The following EPHA3 variants were observed in gnomAD, a reference collection of about 807,000 sequenced individuals.
The protein encoded by EPHA3 is ephrin type-A receptor 3.
In EPHA3, 42 loss-of-function variants were observed where a neutral mutation model predicts 107.1. The ratio of observed to expected loss-of-function variants is 0.39; its 90% CI spans 0.31 to 0.51. The LOEUF is 0.51. Ranked by LOEUF, EPHA3 falls within the 20% of genes least tolerant of loss-of-function variation. EPHA3 has a pLI of 0.78. For synonymous variants in EPHA3, 461 were observed against 424.8 expected, an observed-to-expected ratio of 1.09 and a Z score of -1.05; for missense variants, 1,183 against 1,211.2, an observed-to-expected ratio of 0.98 and a Z score of 0.35.
intron 2 of EPHA3, among the ~76,000 whole-genome samples, chr3:89,166,291 A>G (rs1307784321): frequency 1.3e-5 from 2 of 152,148 alleles, no homozygotes; most frequent in Non-Finnish European, 2.9e-5. Flanking sequence ...TTTAAATTGT[A>G]CACTAAATTA....
In EPHA3 at chr3:89,352,753, A is replaced by AT. The variant is rs1171442682; in HGVS notation, c.1306+10665dup. Among the ~76,000 whole-genome samples the AT allele has an allele frequency of 2.0e-5, 3 of 150,312 alleles. No individual in the cohort carries two copies. The East Asian group carries it at 5.8e-4, about 29-fold the overall frequency. On this transcript the variant is annotated intron_variant, in intron 5 of 16. Coordinates refer to ENST00000336596, the MANE Select transcript of EPHA3 (RefSeq NM_005233.6). ...ACCCTGTCTCTACAAAAATACAAAA[A>AT]TTAGCCAGGCATGATGGCAGGTGCC...
At chr3:89,301,513 A>C (rs555188206) in intron 3 of EPHA3, among the ~76,000 whole-genome samples, 9 of 152,060 alleles carry the variant, frequency 5.9e-5, no homozygotes, top group Non-Finnish European at 1.3e-4. Context: ...AATTGAACTG[A>C]ATCACATGAC....
intron 3 of EPHA3, among the ~76,000 whole-genome samples, chr3:89,250,809 G>A (rs1367593529): frequency 1.3e-5 from 2 of 152,076 alleles, no homozygotes; most frequent in Non-Finnish European, 2.9e-5. Flanking sequence ...ATGTCTAATA[G>A]CATTTACATA....
At chr3:89,403,941 C>T (rs758691929) in intron 7 of EPHA3, among the ~76,000 whole-genome samples, 1 of 152,070 alleles carries the variant, frequency 6.6e-6, no homozygotes, top group Non-Finnish European at 1.5e-5. Flanking sequence ...TGTGTTTAAA[C>T]AAATAGTCCG....
chr3:89,453,214 GA>G (rs35398953), intron 15 of EPHA3, among the ~76,000 whole-genome samples: 1 of 149,358 alleles, frequency 6.7e-6, no homozygotes, highest in African/African-American at 2.4e-5. Context: ...AGTAATCACA[GA>G]AAAAAAAAGA....
intron 5 of EPHA3, among the ~76,000 whole-genome samples, chr3:89,369,871 G>A (rs926822522): frequency 6.7e-6 from 1 of 149,992 alleles, no homozygotes; most frequent in Admixed American, 6.6e-5. Flanking sequence ...CTTCTCAAAA[G>A]AAGACATTTA....
At chr3:89,227,563 G>A (rs1341902285) in intron 3 of EPHA3, among the ~76,000 whole-genome samples, 1 of 151,960 alleles carries the variant, frequency 6.6e-6, no homozygotes, top group Admixed American at 6.6e-5. Flanking sequence ...TGGTATAAAT[G>A]TAAATCCTGG....
At chr3:89,477,529 G>A (rs1234458978) in intron 16 of EPHA3, among the ~76,000 whole-genome samples, 1 of 152,076 alleles carries the variant, frequency 6.6e-6, no homozygotes, top group African/African-American at 2.4e-5. Context: ...CATTTCTTAA[G>A]AAATCGATTA....
intron 1 of EPHA3, among the ~76,000 whole-genome samples, chr3:89,113,787 A>AT (rs1707182743): frequency 3.3e-5 from 5 of 151,232 alleles, no homozygotes; most frequent in Admixed American, 1.3e-4. Flanking sequence ...CACACTTTTG[A>AT]TTTTTTCCCA....
intron 2 of EPHA3, among the ~76,000 whole-genome samples, chr3:89,189,319 G>T (rs1705646696): frequency 6.6e-6 from 1 of 152,168 alleles, no homozygotes; most frequent in Non-Finnish European, 1.5e-5. Flanking sequence ...AAGAGACTGG[G>T]CACGGTGGCT....
chr3:89,457,244 T>TA (rs951117662), intron 15 of EPHA3, among the ~76,000 whole-genome samples: 1 of 151,852 alleles, frequency 6.6e-6, no homozygotes, highest in African/African-American at 2.4e-5. Flanking sequence ...GACTATAGGA[T>TA]AAAAAAAGGA....
At chr3:89,268,903 GA>G (rs967776361) in intron 3 of EPHA3, among the ~76,000 whole-genome samples, 1,490 of 144,720 alleles carry the variant, frequency 0.01, 24 homozygotes, top group African/African-American at 0.034. Flanking sequence ...TATAAGTTAA[GA>G]AAAAAAAAAC....
chr3:89,183,451 A>G (rs1164162036), intron 2 of EPHA3, among the ~76,000 whole-genome samples: 1 of 151,864 alleles, frequency 6.6e-6, no homozygotes, highest in African/African-American at 2.4e-5. Context: ...ATACCCAAAG[A>G]TATGTCAATA....
At chr3:89,471,747 G>A (rs1228202904) in intron 15 of EPHA3, among the ~76,000 whole-genome samples, 1 of 151,900 alleles carries the variant, frequency 6.6e-6, no homozygotes, top group Non-Finnish European at 1.5e-5. Context: ...GTGTGTATGT[G>A]TGTGTGTATA....
chr3:89,289,644 T>C (rs532723462), intron 3 of EPHA3, among the ~76,000 whole-genome samples: 1 of 152,206 alleles, frequency 6.6e-6, no homozygotes, highest in East Asian at 1.9e-4. Flanking sequence ...TATCTAATTT[T>C]ATAAGTTCTT....
At chr3:89,337,950 C>T (rs1576319656) in intron 3 of EPHA3, among the ~76,000 whole-genome samples, 1 of 152,320 alleles carries the variant, frequency 6.6e-6, no homozygotes, top group East Asian at 1.9e-4. Flanking sequence ...TGGCCTTTCA[C>T]TCATGATCAC....
intron 10 of EPHA3, among the ~76,000 whole-genome samples, chr3:89,417,497 G>A (rs376578750): frequency 1.3e-5 from 2 of 151,414 alleles, no homozygotes; most frequent in African/African-American, 4.8e-5. Flanking sequence ...AAATGGGAGC[G>A]CTCTGATAAT....
At chr3:89,392,344 C>A (rs1292224826) in intron 5 of EPHA3, among the ~76,000 whole-genome samples, 1 of 151,744 alleles carries the variant, frequency 6.6e-6, no homozygotes, top group Non-Finnish European at 1.5e-5. Context: ...GAGGCTGAGG[C>A]AGTAGAGTCT....
intron 3 of EPHA3, among the ~76,000 whole-genome samples, chr3:89,336,124 A>G (rs1280962901): frequency 5.9e-5 from 9 of 152,156 alleles, no homozygotes; most frequent in Non-Finnish European, 1.2e-4. Flanking sequence ...ATTTTCATTA[A>G]CAAAAGGAAA....
Sources: gnomAD v4.1 joint callset for allele counts (sites outside exome capture counted in the v4.1 genomes callset) on GRCh38, gnomAD v4.1.1 for gene constraint, MANE v1.5 for transcripts, NCBI Gene and HGNC (gene_info 2026-07-23, HGNC 2026-07-21) for gene names.